Variants in PLPPR1 observed in about 807,000 individuals in gnomAD.
PLPPR1 encodes the protein phospholipid phosphatase related 1.
PLPPR1 carries 10 observed loss-of-function variants against 33.1 expected under a neutral mutation model. The ratio of observed to expected loss-of-function variants is 0.30; its 90% confidence interval spans 0.19 to 0.51. The LOEUF (loss-of-function observed/expected upper bound fraction) is 0.51, where lower values mean the gene tolerates loss of function less well. PLPPR1 is among the 20% of genes least tolerant of loss of function. PLPPR1 has a pLI of 0.97. For synonymous variants in PLPPR1, 151 were observed against 151.0 expected (o/e 1.00, Z 0.00); for missense variants, 304 against 408.1 (o/e 0.74, Z 2.20).
chr9:101,303,993 A>G (rs1318375408), intron 4 of PLPPR1, among the ~76,000 whole-genome samples: 1 of 152,212 alleles, frequency 6.6e-6, no homozygotes, highest in Non-Finnish European at 1.5e-5. Context: ...TCCAATAAAA[A>G]GTATTTGTTG....
At chr9:101,091,647 A>C (rs1016926966) in intron 1 of PLPPR1, among the ~76,000 whole-genome samples, 3 of 152,202 alleles carry the variant, frequency 2.0e-5, no homozygotes, top group Non-Finnish European at 4.4e-5. Flanking sequence ...TCTGGTTAGC[A>C]ACCTAATTCC....
At chr9:101,053,304 T>G (rs1830246018) in intron 1 of PLPPR1, among the ~76,000 whole-genome samples, 1 of 152,158 alleles carries the variant, frequency 6.6e-6, no homozygotes, top group Non-Finnish European at 1.5e-5. Context: ...CCTCCATTAC[T>G]TTACCTCCTA....
At chr9:101,209,240 C>T (rs2118763708) in intron 2 of PLPPR1, among the ~76,000 whole-genome samples, 1 of 152,308 alleles carries the variant, frequency 6.6e-6, no homozygotes, top group East Asian at 1.9e-4. Context: ...GTTCCATTTA[C>T]AGAAACTATG....
At chr9:101,226,915 A>T (rs1827081528) in intron 2 of PLPPR1, among the ~76,000 whole-genome samples, 2 of 152,152 alleles carry the variant, frequency 1.3e-5, no homozygotes, top group African/African-American at 2.4e-5. Context: ...TAATGGAGAC[A>T]TATGTCCTGT....
chr9:101,037,928 A>T (rs1830029808), intron 1 of PLPPR1, among the ~76,000 whole-genome samples: 1 of 151,358 alleles, frequency 6.6e-6, no homozygotes, highest in Non-Finnish European at 1.5e-5. Context: ...AGTTTGAAAC[A>T]ATGTATTTTA....
intron 2 of PLPPR1, among the ~76,000 whole-genome samples, chr9:101,194,552 TCAG>T (rs559675299): frequency 2.6e-5 from 4 of 152,014 alleles, no homozygotes; most frequent in Non-Finnish European, 4.4e-5. Flanking sequence ...GAGTTTGAGA[TCAG>T]CCTGACCAAC....
chr9:101,084,388 C>CTGACATGATGATGG (rs1388409072), intron 1 of PLPPR1, among the ~76,000 whole-genome samples: 1 of 152,158 alleles, frequency 6.6e-6, no homozygotes, highest in East Asian at 1.9e-4. Flanking sequence ...AATGATGATG[C>CTGACATGATGATGG]TGACATGATG....
At chr9:101,249,014 G>A (rs144366848) in intron 2 of PLPPR1, among the ~76,000 whole-genome samples, 1 of 152,126 alleles carries the variant, frequency 6.6e-6, no homozygotes, top group Non-Finnish European at 1.5e-5. Context: ...ACAAATCTTT[G>A]CTGCATTCAA....
chr9:101,176,204 C>T (rs940837843), intron 1 of PLPPR1, among the ~76,000 whole-genome samples: 1 of 152,134 alleles, frequency 6.6e-6, no homozygotes, highest in Non-Finnish European at 1.5e-5. Flanking sequence ...ACAGAAAAAA[C>T]TGAGGCCCCA....
chr9:101,292,858 T>C (rs912215858), intron 4 of PLPPR1, among the ~76,000 whole-genome samples: 1 of 151,736 alleles, frequency 6.6e-6, no homozygotes, highest in African/African-American at 2.4e-5. Flanking sequence ...TCATGCCAAA[T>C]TGTAAAGACC....
chr9:101,274,981 C>T (rs1330588711), intron 3 of PLPPR1, among the ~76,000 whole-genome samples: 2 of 152,224 alleles, frequency 1.3e-5, no homozygotes, highest in African/African-American at 2.4e-5. Flanking sequence ...CAGAAGCTAA[C>T]ATTTGGAGGC....
chr9:101,314,260 T>A (rs985025498), intron 6 of PLPPR1, among the ~76,000 whole-genome samples: 2 of 152,206 alleles, frequency 1.3e-5, no homozygotes, highest in Non-Finnish European at 2.9e-5. Flanking sequence ...ATAGCTGGAT[T>A]TCAGTCATAG....
intron 2 of PLPPR1, among the ~76,000 whole-genome samples, chr9:101,238,056 C>A (rs1827353094): frequency 1.6e-5 from 2 of 126,194 alleles, no homozygotes; most frequent in Admixed American, 8.0e-5. Context: ...TATATATAGC[C>A]TATATATACG....
intron 2 of PLPPR1, among the ~76,000 whole-genome samples, chr9:101,204,503 A>G (rs1158175979): frequency 2.0e-5 from 3 of 152,126 alleles, no homozygotes; most frequent in Non-Finnish European, 2.9e-5. Flanking sequence ...CTCTGATTTT[A>G]AGTTCCAGCC....
chr9:101,098,292 G>A (rs913082167), intron 1 of PLPPR1, among the ~76,000 whole-genome samples: 4 of 151,718 alleles, frequency 2.6e-5, no homozygotes, highest in Non-Finnish European at 4.4e-5. Context: ...TGTCCTGGTG[G>A]GTCATGAGTA....
chr9:101,171,793 A>G (rs1000361357), intron 1 of PLPPR1, among the ~76,000 whole-genome samples: 14 of 152,178 alleles, frequency 9.2e-5, no homozygotes, highest in African/African-American at 3.4e-4. Flanking sequence ...ATTAATTTAA[A>G]AATTAAATTT....
intron 1 of PLPPR1, among the ~76,000 whole-genome samples, chr9:101,079,938 T>C (rs907944675): frequency 6.6e-6 from 1 of 152,228 alleles, no homozygotes; most frequent in African/African-American, 2.4e-5. Context: ...TTCTGGCATC[T>C]TTTAATTCTC....
intron 2 of PLPPR1, among the ~76,000 whole-genome samples, chr9:101,261,755 C>A (rs958449438): frequency 1.4e-4 from 21 of 152,126 alleles, no homozygotes; most frequent in African/African-American, 5.1e-4. Context: ...CACAGAAAAC[C>A]AAATACTGCA....
At chr9:101,186,531 A>G (rs1046099616) in intron 2 of PLPPR1, among the ~76,000 whole-genome samples, 2 of 151,860 alleles carry the variant, frequency 1.3e-5, no homozygotes, top group East Asian at 3.9e-4. Flanking sequence ...TATAAAAACA[A>G]AGTTGGGTTA....
Sources: allele counts gnomAD v4.1 joint callset (sites outside exome capture counted in the v4.1 genomes callset), GRCh38; gene constraint gnomAD v4.1.1; transcripts MANE v1.5; gene names NCBI Gene and HGNC (gene_info 2026-07-23, HGNC 2026-07-21).